The following AGTPBP1 variants were observed in gnomAD, a reference collection of about 807,000 sequenced individuals.
The protein encoded by AGTPBP1 is cytosolic carboxypeptidase 1.
A neutral mutation model predicts 143.9 loss-of-function variants in AGTPBP1; 70 were observed. That is an observed-to-expected ratio of 0.49 (90% CI 0.40 to 0.59). AGTPBP1 has a LOEUF of 0.59. Among genes scored for constraint, AGTPBP1 ranks in the 20% least tolerant of loss-of-function variants. AGTPBP1 has a pLI of 0.00. For synonymous variants in AGTPBP1, 463 were observed against 500.2 expected, an observed-to-expected ratio of 0.93 and a Z score of 0.99; for missense variants, 1,229 against 1,464.5, an observed-to-expected ratio of 0.84 and a Z score of 2.62.
chr9:85,575,585 G>C (rs1408130924), intron 24 of AGTPBP1, 110 bp from the exon 25 acceptor site: 3 of 893,350 alleles, frequency 3.4e-6, no homozygotes, highest in Non-Finnish European at 4.7e-6. Context: ...AAAATTAAAA[G>C]GCTGGTACTT....
At chr9:85,629,744 T>A (rs913249766) in intron 14 of AGTPBP1, among the ~76,000 whole-genome samples, 1 of 152,182 alleles carries the variant, frequency 6.6e-6, no homozygotes, top group Non-Finnish European at 1.5e-5. Context: ...AGTTTAGCAA[T>A]GGTTATCAAA....
intron 1 of AGTPBP1, among the ~76,000 whole-genome samples, chr9:85,721,578 T>C (rs1247847549): frequency 1.3e-5 from 2 of 151,936 alleles, no homozygotes; most frequent in South Asian, 2.1e-4. Context: ...GCATGTGAGA[T>C]GGGTCTCCTG....
chr9:85,649,457 G>A (rs879626738), intron 11 of AGTPBP1, among the ~76,000 whole-genome samples: 5 of 151,906 alleles, frequency 3.3e-5, no homozygotes, highest in Admixed American at 1.3e-4. Flanking sequence ...GTTCCTTTGC[G>A]TAAGCCACTT....
At chr9:85,560,298 G>A (rs929083849) in intron 25 of AGTPBP1, among the ~76,000 whole-genome samples, 1 of 152,162 alleles carries the variant, frequency 6.6e-6, no homozygotes, top group Admixed American at 6.6e-5. Flanking sequence ...TTAACAAATG[G>A]GTTTTAGGGT....
chr9:85,551,511 T>C (rs1167006974), intron 25 of AGTPBP1, among the ~76,000 whole-genome samples: 1 of 152,198 alleles, frequency 6.6e-6, no homozygotes, highest in African/African-American at 2.4e-5. Context: ...TCAAGAACTG[T>C]GACTTACCCA....
chr9:85,796,511 G>A, the AGTPBP1 span, among the ~76,000 whole-genome samples: 3 of 151,990 alleles, frequency 2.0e-5, no homozygotes, highest in Admixed American at 2.0e-4. Context: ...CCAGACACAT[G>A]CCAGGTTTTC....
At chr9:85,595,891 T>C (rs1829272789) in intron 18 of AGTPBP1, among the ~76,000 whole-genome samples, 2 of 152,182 alleles carry the variant, frequency 1.3e-5, no homozygotes, top group Admixed American at 1.3e-4. Context: ...TGAACTGTGT[T>C]AAGCTGATGT....
chr9:85,666,407 A>G (rs986543285), intron 8 of AGTPBP1, among the ~76,000 whole-genome samples: 2 of 152,172 alleles, frequency 1.3e-5, no homozygotes, highest in African/African-American at 4.8e-5. Context: ...GAAATACAAC[A>G]GAAAGCGTTA....
chr9:85,648,570 T>C (rs975630861), intron 11 of AGTPBP1, among the ~76,000 whole-genome samples: 1 of 152,184 alleles, frequency 6.6e-6, no homozygotes, highest in Admixed American at 6.5e-5. Flanking sequence ...CCCAGCATTC[T>C]GGGAGGCCGA....
At chr9:85,590,595 A>T (rs1290243868) in intron 19 of AGTPBP1, among the ~76,000 whole-genome samples, 1 of 152,176 alleles carries the variant, frequency 6.6e-6, no homozygotes, top group African/African-American at 2.4e-5. Context: ...TTGGGGATAC[A>T]ACAATGAATA....
intron 1 of AGTPBP1, among the ~76,000 whole-genome samples, chr9:85,729,454 G>A (rs1427602588): frequency 6.6e-6 from 1 of 152,170 alleles, no homozygotes; most frequent in South Asian, 2.1e-4. Flanking sequence ...AAGTTGCTCA[G>A]CACTGGTCTT....
chr9:85,743,383 A>G (rs1182406756), upstream of AGTPBP1, among the ~76,000 whole-genome samples: 1 of 152,170 alleles, frequency 6.6e-6, no homozygotes, highest in Non-Finnish European at 1.5e-5. Flanking sequence ...ACACAAGATA[A>G]ATAGCAGCAT....
chr9:85,619,410 TTCC>T (rs1264617599), intron 15 of AGTPBP1, 109 bp from the exon 16 acceptor site: 2 of 711,008 alleles, frequency 2.8e-6, no homozygotes, highest in Non-Finnish European at 4.5e-6. Context: ...CCATATCACC[TTCC>T]TCATTATTTT....
chr9:85,712,833 A>G (rs1300155413), intron 1 of AGTPBP1, among the ~76,000 whole-genome samples: 1 of 152,204 alleles, frequency 6.6e-6, no homozygotes, highest in East Asian at 1.9e-4. Context: ...GTCATTTGCA[A>G]CCTAATGTTA....
At chr9:85,696,606 T>C (rs1356392832) in intron 2 of AGTPBP1, among the ~76,000 whole-genome samples, 1 of 151,530 alleles carries the variant, frequency 6.6e-6, no homozygotes, top group Non-Finnish European at 1.5e-5. Context: ...AGGTGGAGGC[T>C]GCAGTGAGCC....
Position 85,592,831 on chromosome 9 carries a change from T to C in AGTPBP1, c.2424-127A>G, listed in dbSNP as rs966855080. On this transcript the variant is annotated intron_variant, in intron 18 of 25. Transcript: ENST00000357081. The stretch of plus-strand genomic sequence containing the variant: ...GAGTCTGTAAAAAGTGTAACTTAAA[T>C]ACCCTATTTTAAAAAAACTTAGTAC... 46 of 1,092,312 alleles carry C rather than the reference T, an allele frequency of 4.2e-5. No homozygotes were observed. In the African/African-American group the frequency reaches 7.2e-4, roughly 17 times the overall value. The allele number at this position is 1,092,312 out of a possible 1,614,324, so 67.7% of individuals were successfully genotyped here.
At chr9:85,727,673 T>C (rs576692258) in intron 1 of AGTPBP1, among the ~76,000 whole-genome samples, 8 of 152,200 alleles carry the variant, frequency 5.3e-5, no homozygotes, top group African/African-American at 1.9e-4. Flanking sequence ...CTACAAACAT[T>C]TGTTATCACA....
At chr9:85,677,979 C>G (rs1339006682) in intron 5 of AGTPBP1, among the ~76,000 whole-genome samples, 1 of 152,070 alleles carries the variant, frequency 6.6e-6, no homozygotes, top group East Asian at 1.9e-4. Flanking sequence ...ACTCAAGCCT[C>G]GGTGACAAGA....
the AGTPBP1 span, chr9:85,764,871 G>A: frequency 4.7e-6 from 6 of 1,265,514 alleles, no homozygotes; most frequent in South Asian, 1.2e-5. Context: ...CTCCAGAAAC[G>A]AAGACACATT....
Sources: allele counts gnomAD v4.1 joint callset (sites outside exome capture counted in the v4.1 genomes callset), GRCh38; gene constraint gnomAD v4.1.1; transcripts MANE v1.5; gene names NCBI Gene and HGNC (gene_info 2026-07-23, HGNC 2026-07-21).